The following ACSM1 variants were observed in gnomAD, a reference collection of about 807,000 sequenced individuals.
ACSM1 encodes acyl-CoA synthetase medium chain family member 1, also known as acyl-coenzyme A synthetase ACSM1, mitochondrial.
Under a neutral mutation model 75.8 loss-of-function variants are expected in ACSM1, and 79 were observed. The ratio of observed to expected loss-of-function variants is 1.04; its 90% CI spans 0.87 to 1.26. The LOEUF (loss-of-function observed/expected upper bound fraction) is 1.26. Among genes scored for constraint, ACSM1 ranks in the 50% most tolerant of loss-of-function variants. The pLI is 0.00. For synonymous variants in ACSM1, 279 were observed against 265.8 expected, an observed-to-expected ratio of 1.05 and a Z score of -0.48; for missense variants, 676 against 720.1, an observed-to-expected ratio of 0.94 and a Z score of 0.70.
chr16:20,672,448 C>CAAA (rs528742963), intron 4 of ACSM1, among the ~76,000 whole-genome samples: 30 of 21,908 alleles, frequency 1.4e-3, no homozygotes, highest in African/African-American at 1.9e-3. Flanking sequence ...AACTCCATCT[C>CAAA]AAAAAAAAAA....
At chr16:20,642,701 A>C (rs376722690) in intron 7 of ACSM1, among the ~76,000 whole-genome samples, 8 of 152,236 alleles carry the variant, frequency 5.3e-5, no homozygotes, top group African/African-American at 1.4e-4. Context: ...TAACAACTGG[A>C]ACTGGGTCTA....
At chr16:20,645,045 A>C (rs990094395) in intron 7 of ACSM1, among the ~76,000 whole-genome samples, 5 of 152,214 alleles carry the variant, frequency 3.3e-5, no homozygotes, top group Non-Finnish European at 4.4e-5. Flanking sequence ...TTGATGGGGA[A>C]GCTGGGTTGT....
chr16:20,632,094 T>G (rs1347366935), intron 10 of ACSM1, among the ~76,000 whole-genome samples: 2 of 152,120 alleles, frequency 1.3e-5, no homozygotes, highest in Admixed American at 1.3e-4. Context: ...TTTCAACATA[T>G]GAATCTGGGG....
chr16:20,641,581 C>T (rs925887665), intron 7 of ACSM1, among the ~76,000 whole-genome samples: 2 of 152,236 alleles, frequency 1.3e-5, no homozygotes, highest in African/African-American at 2.4e-5. Flanking sequence ...TCCTCATTCT[C>T]ACCACCTGTT....
At chr16:20,690,358 G>A (rs2079631899) in intron 2 of ACSM1, among the ~76,000 whole-genome samples, 1 of 152,158 alleles carries the variant, frequency 6.6e-6, no homozygotes, top group Admixed American at 6.5e-5. Context: ...CTTGGTCTGT[G>A]TCTTGTGAGA....
At chr16:20,656,072 G>A (rs1413199995) in intron 7 of ACSM1, among the ~76,000 whole-genome samples, 6 of 152,080 alleles carry the variant, frequency 3.9e-5, no homozygotes, top group East Asian at 1.9e-4. Context: ...TTTGAAGGAC[G>A]GCTCTTTCCT....
chr16:20,655,816 C>T (rs969124271), intron 7 of ACSM1, among the ~76,000 whole-genome samples: 2 of 152,222 alleles, frequency 1.3e-5, no homozygotes, highest in East Asian at 1.9e-4. Context: ...GTAGGCACCA[C>T]CACCCCTGGC....
chr16:20,662,329 C>G (rs1040104167), intron 6 of ACSM1, among the ~76,000 whole-genome samples: 3 of 151,998 alleles, frequency 2.0e-5, no homozygotes, highest in Non-Finnish European at 4.4e-5. Context: ...GATGAAATAA[C>G]AAGAAATAGG....
At chr16:20,649,175 G>GTTTTATTTTATTTTA (rs60734826) in intron 7 of ACSM1, among the ~76,000 whole-genome samples, 1 of 150,850 alleles carries the variant, frequency 6.6e-6, no homozygotes, top group African/African-American at 2.4e-5. Flanking sequence ...ACAAAGCTCT[G>GTTTTATTTTATTTTA]TTTTATTTTA....
chr16:20,639,990 C>T (rs1204579146), intron 8 of ACSM1, among the ~76,000 whole-genome samples: 1 of 152,152 alleles, frequency 6.6e-6, no homozygotes, highest in Admixed American at 6.5e-5. Flanking sequence ...CCTTGTGGGC[C>T]CCAAGATCGT....
intron 1 of ACSM1, among the ~76,000 whole-genome samples, chr16:20,693,843 G>C (rs187238414): frequency 3.3e-4 from 51 of 152,262 alleles, no homozygotes; most frequent in African/African-American, 1.2e-3. Flanking sequence ...TTTTAATATT[G>C]TAAAAAGTAA....
intron 10 of ACSM1, among the ~76,000 whole-genome samples, chr16:20,636,211 AGGGCC>A (rs1428790738): frequency 6.6e-6 from 1 of 152,136 alleles, no homozygotes; most frequent in Non-Finnish European, 1.5e-5. Context: ...CTATCCTGGG[AGGGCC>A]ATTGCTTATT....
intron 5 of ACSM1, among the ~76,000 whole-genome samples, 171 bp downstream of exon 5, chr16:20,671,360 A>G (rs1462747835): frequency 2.6e-5 from 4 of 151,892 alleles, no homozygotes; most frequent in African/African-American, 9.7e-5. Flanking sequence ...TTCACCTCTC[A>G]GACCCTGAGA....
intron 2 of ACSM1, among the ~76,000 whole-genome samples, chr16:20,687,802 G>A (rs538904570): frequency 1.6e-4 from 25 of 151,992 alleles, no homozygotes; most frequent in Non-Finnish European, 3.1e-4. Flanking sequence ...AAAAGAACCC[G>A]GCCAGGCACG....
chr16:20,623,949 G>A (rs1408794754), intron 13 of ACSM1, 147 bp downstream of exon 13: 1 of 1,239,992 alleles, frequency 8.1e-7, no homozygotes, highest in African/African-American at 1.5e-5. Context: ...GAGAGCCATG[G>A]AGGACATGAG....
chr16:20,625,334 A>T (rs1243745499), intron 12 of ACSM1, 89 bp downstream of exon 12: 5 of 1,310,582 alleles, frequency 3.8e-6, no homozygotes, highest in Non-Finnish European at 5.3e-6. Context: ...CCTTCCACCA[A>T]GGCTGCACAG....
intron 10 of ACSM1, among the ~76,000 whole-genome samples, chr16:20,631,107 T>C (rs2017314100): frequency 6.6e-6 from 1 of 152,228 alleles, no homozygotes; most frequent in African/African-American, 2.4e-5. Flanking sequence ...GGGTGGGTTA[T>C]AAACAATAGA....
intron 7 of ACSM1, among the ~76,000 whole-genome samples, chr16:20,660,256 T>C (rs1340433045): frequency 6.6e-6 from 1 of 152,166 alleles, no homozygotes; most frequent in African/African-American, 2.4e-5. Flanking sequence ...AAAATAATAA[T>C]TAGATTCCCT....
intron 7 of ACSM1, among the ~76,000 whole-genome samples, chr16:20,645,214 G>A (rs1279164476): frequency 6.6e-6 from 1 of 152,176 alleles, no homozygotes; most frequent in East Asian, 1.9e-4. Context: ...TGCTACATTG[G>A]TGAGCATAAC....
Sources: gnomAD v4.1 joint callset for allele counts (sites outside exome capture counted in the v4.1 genomes callset) on GRCh38, gnomAD v4.1.1 for gene constraint, MANE v1.5 for transcripts, NCBI Gene and HGNC (gene_info 2026-07-23, HGNC 2026-07-21) for gene names.